Variants in CPLX2 observed in about 807,000 individuals in gnomAD.
CPLX2 encodes complexin-2.
CPLX2 carries 5 observed loss-of-function variants against 16.3 expected under a neutral mutation model. That is an observed-to-expected ratio of 0.31 (90% CI 0.16 to 0.64). The LOEUF (loss-of-function observed/expected upper bound fraction) is 0.64, where lower values mean the gene tolerates loss of function less well. CPLX2 is among the 30% of genes least tolerant of loss of function. The probability of loss-of-function intolerance (pLI) is 0.79; values close to 1 mark genes in which losing one functional copy is unlikely to be tolerated. For missense variants in CPLX2, 144 were observed against 181.4 expected (o/e 0.79, Z 1.18); for synonymous variants, 89 against 73.2 (o/e 1.22, Z -1.10).
At chr5:175,860,335 T>C (rs1482420952) in intron 2 of CPLX2, among the ~76,000 whole-genome samples, 20 of 151,450 alleles carry the variant, frequency 1.3e-4, no homozygotes, top group African/African-American at 4.9e-4. Flanking sequence ...AAGCAGAGGA[T>C]CTCTTGAGCC....
chr5:175,798,112 C>CT (rs1561765837), intron 1 of CPLX2, among the ~76,000 whole-genome samples: 1 of 152,196 alleles, frequency 6.6e-6, no homozygotes, highest in Non-Finnish European at 1.5e-5. Context: ...ATAGAGAAGT[C>CT]TTTTAAAATC....
chr5:175,847,783 G>A (rs1759076017), intron 2 of CPLX2, among the ~76,000 whole-genome samples: 1 of 152,226 alleles, frequency 6.6e-6, no homozygotes, highest in Non-Finnish European at 1.5e-5. Context: ...GATTCTGCTA[G>A]TCAGGCAGCC....
At chr5:175,835,578 A>G (rs1369078405) in intron 2 of CPLX2, among the ~76,000 whole-genome samples, 1 of 152,144 alleles carries the variant, frequency 6.6e-6, no homozygotes, top group Non-Finnish European at 1.5e-5. Context: ...ATGGAATCCA[A>G]CCATCTGCAC....
At chr5:175,850,637 A>G (rs1759133180) in intron 2 of CPLX2, among the ~76,000 whole-genome samples, 1 of 152,158 alleles carries the variant, frequency 6.6e-6, no homozygotes, top group African/African-American at 2.4e-5. Flanking sequence ...AGGCCCTGAG[A>G]AGTCCTGCAG....
At chr5:175,816,627 T>C (rs1758414621) in intron 2 of CPLX2, among the ~76,000 whole-genome samples, 1 of 152,232 alleles carries the variant, frequency 6.6e-6, no homozygotes, top group Non-Finnish European at 1.5e-5. Flanking sequence ...CCGCTGGCAG[T>C]GCTGGGGAGC....
rs114010351 is a variant in CPLX2, at chr5:175,864,193, A to G, written c.-88-14459A>G. ...TAGAGATCACTCCCCCATTTCACCA[A>G]TGGGACACAGTCTCAGGGAAAAGCC... On this transcript the variant is annotated intron_variant, in intron 2 of 4. Transcript: ENST00000359546. Among the ~76,000 whole-genome samples, 526 of 152,254 alleles carry G rather than the reference A, an allele frequency of 3.5e-3. 5 individuals carry two copies. Among genetic ancestry groups the G allele is most frequent in the African/African-American group, 0.012 (510 of 41,538 alleles).
upstream of CPLX2, among the ~76,000 whole-genome samples, chr5:175,868,440 T>G (rs1162840141): frequency 6.6e-6 from 1 of 152,182 alleles, no homozygotes; most frequent in African/African-American, 2.4e-5. Context: ...TCTGTTCAAA[T>G]CTGAACCCCT....
At chr5:175,858,495 G>A (rs1759302667) in intron 2 of CPLX2, among the ~76,000 whole-genome samples, 1 of 152,208 alleles carries the variant, frequency 6.6e-6, no homozygotes, top group African/African-American at 2.4e-5. Context: ...CATGGGCAGC[G>A]TGAACAGATG....
intron 2 of CPLX2, among the ~76,000 whole-genome samples, chr5:175,836,664 G>A (rs1758846126): frequency 6.6e-6 from 1 of 152,182 alleles, no homozygotes; most frequent in Non-Finnish European, 1.5e-5. Flanking sequence ...GCCAGGGTGG[G>A]TTACACAAGG....
At chr5:175,873,080 C>A (rs1182053490) in intron 1 of CPLX2, 1 of 140,884 alleles carries the variant, frequency 7.1e-6, no homozygotes, top group South Asian at 2.3e-4. Flanking sequence ...CCTCCCCCAG[C>A]GCAGCATCCC....
intron 2 of CPLX2, among the ~76,000 whole-genome samples, chr5:175,841,157 G>A (rs556994258): frequency 6.6e-6 from 1 of 152,322 alleles, no homozygotes; most frequent in South Asian, 2.1e-4. Context: ...AGTGATTGCT[G>A]GAGGCTCCAG....
At chr5:175,858,837 G>A (rs781441692) in intron 2 of CPLX2, among the ~76,000 whole-genome samples, 30 of 152,340 alleles carry the variant, frequency 2.0e-4, no homozygotes, top group Non-Finnish European at 7.3e-5. Context: ...AAGACCAAGG[G>A]AGCCTGTTGA....
At chr5:175,836,597 T>C (rs550300461) in intron 2 of CPLX2, among the ~76,000 whole-genome samples, 1 of 152,246 alleles carries the variant, frequency 6.6e-6, no homozygotes, top group Non-Finnish European at 1.5e-5. Flanking sequence ...TCCAACCAGC[T>C]GCAAGTCATC....
chr5:175,873,526 G>C (rs1759685546), intron 1 of CPLX2, among the ~76,000 whole-genome samples: 1 of 152,108 alleles, frequency 6.6e-6, no homozygotes, highest in Non-Finnish European at 1.5e-5. Context: ...AAGACAAACA[G>C]ACAAAGAGAG....
At chr5:175,836,358 TAAATA>T (rs113010011) in intron 2 of CPLX2, among the ~76,000 whole-genome samples, 7 of 150,870 alleles carry the variant, frequency 4.6e-5, no homozygotes, top group East Asian at 4.0e-4. Flanking sequence ...TCAAAATAAA[TAAATA>T]AAATAAAATA....
chr5:175,866,620 T>A (rs1759482747), upstream of CPLX2, among the ~76,000 whole-genome samples: 1 of 152,112 alleles, frequency 6.6e-6, no homozygotes, highest in East Asian at 1.9e-4. Context: ...AGAGGACCTC[T>A]GAGGAGCTGC....
intron 1 of CPLX2, among the ~76,000 whole-genome samples, chr5:175,876,506 G>C (rs1223137522): frequency 6.6e-6 from 1 of 152,140 alleles, no homozygotes; most frequent in Non-Finnish European, 1.5e-5. Flanking sequence ...AAAGAACTGA[G>C]TCACAGAACC....
At chr5:175,843,235 C>T (rs961265783) in intron 2 of CPLX2, among the ~76,000 whole-genome samples, 3 of 152,240 alleles carry the variant, frequency 2.0e-5, no homozygotes, top group African/African-American at 7.2e-5. Flanking sequence ...CCTCCAGCCC[C>T]TCTCTCGAGC....
At chr5:175,850,168 C>T (rs1212773463) in intron 2 of CPLX2, among the ~76,000 whole-genome samples, 2 of 150,388 alleles carry the variant, frequency 1.3e-5, no homozygotes, top group Non-Finnish European at 3.0e-5. Context: ...TTTTTTTAAG[C>T]AAATTAGGGT....
Sources: allele counts gnomAD v4.1 joint callset (sites outside exome capture counted in the v4.1 genomes callset), GRCh38; gene constraint gnomAD v4.1.1; transcripts MANE v1.5; gene names NCBI Gene and HGNC (gene_info 2026-07-23, HGNC 2026-07-21).